Variants in CHD4 observed in about 807,000 individuals in gnomAD.
CHD4 encodes the protein ATP-dependent chromatin remodeler CHD4.
Under a neutral mutation model 235.5 loss-of-function variants are expected in CHD4, and 35 were observed. The observed-to-expected ratio is 0.15, with a 90% CI of 0.11 to 0.20. CHD4 has a LOEUF of 0.20. Ranked by LOEUF, CHD4 falls within the 10% of genes least tolerant of loss-of-function variation. The pLI, the probability that CHD4 is intolerant of heterozygous loss-of-function variation, is 1.00. For missense variants in CHD4, 1,329 were observed against 2,432.3 expected (o/e 0.55, Z 9.54); for synonymous variants, 900 against 850.2 (o/e 1.06, Z -1.02).
intron 38 of CHD4, 40 bp downstream of exon 38, chr12:6,573,034 G>A (rs769747716): frequency 1.3e-6 from 2 of 1,571,460 alleles, no homozygotes; most frequent in East Asian, 2.3e-5. Flanking sequence ...GTCAGATCAG[G>A]GAGGCCGAAT....
At chr12:6,570,779 C>A (rs1947951727) in intron 39 of CHD4, 86 bp from the exon 40 acceptor site, 1 of 1,611,748 alleles carries the variant, frequency 6.2e-7, no homozygotes, top group Non-Finnish European at 8.5e-7. Context: ...GCCACCCACC[C>A]AGTATGTAAA....
chr12:6,578,729 C>T, intron 34 of CHD4, 117 bp downstream of exon 34: 1 of 1,359,204 alleles, frequency 7.4e-7, no homozygotes, highest in South Asian at 1.2e-5. Context: ...CAGGTACAGT[C>T]TTTTATCTTG....
intron 22 of CHD4, among the ~76,000 whole-genome samples, chr12:6,589,300 G>C (rs1308152006): frequency 6.6e-6 from 1 of 152,130 alleles, no homozygotes; most frequent in Non-Finnish European, 1.5e-5. Context: ...AGGAGAAACA[G>C]GACACTGACA....
intron 2 of CHD4, among the ~76,000 whole-genome samples, chr12:6,604,324 A>G (rs1948652835): frequency 6.6e-6 from 1 of 152,116 alleles, no homozygotes; most frequent in African/African-American, 2.4e-5. Context: ...ACATGTTCTT[A>G]GCTCTTAACC....
intron 30 of CHD4, 75 bp from the exon 31 acceptor site, chr12:6,581,889 G>C: frequency 1.4e-6 from 2 of 1,459,868 alleles, no homozygotes; most frequent in Non-Finnish European, 1.8e-6. Context: ...TCCAGTCTCC[G>C]CCTCCCGGGT....
chr12:6,600,713 GGAAGGA>G (rs761996529), intron 7 of CHD4, 44 bp from the exon 8 acceptor site: 1 of 1,608,448 alleles, frequency 6.2e-7, no homozygotes, highest in East Asian at 2.2e-5. Flanking sequence ...CAAGCCAAGG[GGAAGGA>G]CAGAGTGGCA....
intron 6 of CHD4, 41 bp from the exon 7 acceptor site, chr12:6,601,094 AGATGGG>A: frequency 1.3e-6 from 2 of 1,528,198 alleles, no homozygotes; most frequent in Non-Finnish European, 1.8e-6. Flanking sequence ...ACAAGACCAA[AGATGGG>A]GAAAATAAAA....
chr12:6,602,498 C>A lies in CHD4; in HGVS notation c.101-1G>T. ...TCCTCTTCTGGGTCCTCTTCATTTT[C>A]TACATATATTTGGCAAAGAGTGGTA... is the stretch of plus-strand genomic sequence containing the variant. On this transcript the variant is annotated splice_acceptor_variant, in intron 2 of 39. Coordinates refer to ENST00000544040, the MANE Select transcript of CHD4 (RefSeq NM_001273.5). LOFTEE classifies it high-confidence loss of function. The A allele has an allele frequency of 6.2e-7, 1 of 1,611,130 alleles. No homozygotes were observed. The highest frequency in any genetic ancestry group is 8.5e-7 in the Non-Finnish European group (1 of 1,179,378).
Position 6,593,389 on chromosome 12 carries a change from T to C in CHD4, c.2514+27A>G. On this transcript the variant is annotated intron_variant, in intron 16 of 39. Coordinates refer to ENST00000544040, the MANE Select transcript of CHD4 (RefSeq NM_001273.5). The surrounding 1 kb of genome is among the most constrained non-coding windows in gnomAD (Gnocchi z 4.9). ...AAGCCAGAAGCCACAACTCTTTCTC[T>C]AGGGTGGCTTCCCTCCCCTGAGATA... 6.2e-7 allele frequency: 1 copy of C among 1,610,322 alleles called. No individual in the cohort carries two copies. The highest frequency in any genetic ancestry group is 1.1e-5 in the South Asian group (1 of 90,968).
chr12:6,585,660 G>A (rs1422680685), intron 25 of CHD4, among the ~76,000 whole-genome samples: 7 of 151,204 alleles, frequency 4.6e-5, no homozygotes, highest in African/African-American at 7.3e-5. Context: ...GTGGTGGCAC[G>A]TGCCTGTAGT....
intron 9 of CHD4, 31 bp from the exon 10 acceptor site, chr12:6,600,043 T>C (rs1948562400): frequency 6.2e-7 from 1 of 1,608,978 alleles, no homozygotes; most frequent in Non-Finnish European, 8.5e-7. Flanking sequence ...TTCAGATTAT[T>C]ACCCCCACCC....
Position 6,572,178 on chromosome 12 carries a change from C to T in CHD4, c.5557+896G>A, listed in dbSNP as rs1027795921. Among the ~76,000 whole-genome samples the T allele has an allele frequency of 5.3e-5, 8 of 151,770 alleles. No individual in the cohort carries two copies. In the East Asian group the frequency reaches 1.2e-3, roughly 22 times the overall value. ...GCACAGTGGCTCACACCTATAATCC[C>T]AGCACTTTGGGAGGCGGAGGCGGGT... is the stretch of plus-strand genomic sequence containing the variant. On this transcript the variant is annotated intron_variant, in intron 38 of 39. Transcript: ENST00000544040.
chr12:6,590,427 GA>G (rs1004474898), intron 22 of CHD4, among the ~76,000 whole-genome samples: 85 of 152,274 alleles, frequency 5.6e-4, no homozygotes, highest in African/African-American at 2.0e-3. Flanking sequence ...ATTATTAAGA[GA>G]AGCTAGCTAG....
intron 12 of CHD4, among the ~76,000 whole-genome samples, chr12:6,597,326 C>T (rs1362608908): frequency 1.3e-5 from 2 of 150,546 alleles, no homozygotes; most frequent in African/African-American, 2.4e-5. Context: ...AAGTGTCAGG[C>T]GCAGTAGCTC....
intron 37 of CHD4, among the ~76,000 whole-genome samples, chr12:6,574,432 G>T (rs1329315228): frequency 1.3e-5 from 2 of 152,144 alleles, no homozygotes; most frequent in South Asian, 2.1e-4. Flanking sequence ...TGATGGAGCT[G>T]TATTAAAGAT....
intron 22 of CHD4, among the ~76,000 whole-genome samples, chr12:6,589,183 A>T (rs561163120): frequency 6.6e-6 from 1 of 151,710 alleles, no homozygotes; most frequent in Middle Eastern, 3.4e-3. Flanking sequence ...AGGCAGAAGT[A>T]AAAAAGAAAG....
In CHD4 at chr12:6,582,144, C is replaced by A; in HGVS notation, c.4508G>T (p.Arg1503Leu). ...AAGAGGCTCAGGGCTCACCTTCTTG[C>A]GAATCAAAGACATAACACCAATTCT... is the stretch of plus-strand genomic sequence containing the variant. ...LTRIGVMSLI[R>L]KKVQEFEHVN... The change falls in exon 30 of 40, where the codon CGC becomes CTC. Residue 1503 changes from arginine (R) to leucine (L), a missense_variant. By Grantham distance (102) the Arg-to-Leu change is moderately radical. Coordinates refer to ENST00000544040, the MANE Select transcript of CHD4 (RefSeq NM_001273.5). 6.4e-7 allele frequency: 1 copy of A among 1,569,872 alleles called. No homozygotes were observed. The highest frequency in any genetic ancestry group is 8.6e-7 in the Non-Finnish European group (1 of 1,156,684).
At chr12:6,575,890 G>A (rs1350424726) in intron 37 of CHD4, among the ~76,000 whole-genome samples, 1 of 152,096 alleles carries the variant, frequency 6.6e-6, no homozygotes, top group African/African-American at 2.4e-5. Context: ...ACTAAGCTTT[G>A]CTGGCTCACA....
rs1212580156 is a variant in CHD4 at position 6,582,947 on chromosome 12, A to C, written c.4148-11T>G. 3.7e-6 allele frequency: 6 copies of C among 1,612,546 alleles called. No individual in the cohort carries two copies. Among genetic ancestry groups the C allele is most frequent in the African/African-American group, 1.3e-5 (1 of 74,916 alleles). ...TGGGCCTACGGGGAGCTGCAAGAAG[A>C]AAAAGATGAATGAGTGACACAGGTA... On this transcript the variant is annotated splice_polypyrimidine_tract_variant and intron_variant, in intron 27 of 39. Coordinates refer to ENST00000544040, the MANE Select transcript of CHD4 (RefSeq NM_001273.5).
Sources: allele counts gnomAD v4.1 joint callset (sites outside exome capture counted in the v4.1 genomes callset), GRCh38; gene constraint gnomAD v4.1.1; non-coding constraint Gnocchi (gnomAD v3.1); transcripts MANE v1.5; gene names NCBI Gene and HGNC (gene_info 2026-07-23, HGNC 2026-07-21).